LDB1: variants seen among roughly 807,000 people sequenced by gnomAD.
LDB1 encodes LIM domain-binding protein 1.
Under a neutral mutation model 49.7 loss-of-function variants are expected in LDB1, and 6 were observed. The ratio of observed to expected loss-of-function variants is 0.12; its 90% CI spans 0.07 to 0.24. LDB1 has a LOEUF of 0.24. LDB1 is among the 10% of genes least tolerant of loss of function. The pLI is 1.00. For missense variants in LDB1, 341 were observed against 561.7 expected (o/e 0.61, Z 3.97); for synonymous variants, 233 against 202.0 (o/e 1.15, Z -1.30).
At chr10:102,105,813 A>T (rs1590276328), downstream of LDB1, among the ~76,000 whole-genome samples, 1 of 151,608 alleles carries the variant, frequency 6.6e-6, no homozygotes, top group East Asian at 1.9e-4. Context: ...AAAAAAAAAA[A>T]AAAAAATACA....
chr10:102,102,813 T>C (rs1262698205), downstream of LDB1, among the ~76,000 whole-genome samples: 2 of 152,174 alleles, frequency 1.3e-5, no homozygotes, highest in African/African-American at 4.8e-5. Flanking sequence ...GACCAAGGTC[T>C]TGCTATGTTG....
At chr10:102,114,938 C>T (rs2068315430) in intron 1 of LDB1, 2 of 611,064 alleles carry the variant, frequency 3.3e-6, no homozygotes, top group Admixed American at 6.3e-5. Flanking sequence ...GGCTGCCTGC[C>T]TTTCTCCCTT....
chr10:102,116,223 T>C (rs1054188106), intron 1 of LDB1, among the ~76,000 whole-genome samples: 1 of 152,206 alleles, frequency 6.6e-6, no homozygotes, highest in African/African-American at 2.4e-5. Context: ...GCTCTGTTGC[T>C]TAGGCTGGAG....
chr10:102,103,815 TAAAAA>T (rs1357537847), downstream of LDB1, among the ~76,000 whole-genome samples: 17 of 150,098 alleles, frequency 1.1e-4, no homozygotes, highest in African/African-American at 4.2e-4. Context: ...TTCCATCTCT[TAAAAA>T]AGAAAAAGTA....
In LDB1 at chr10:102,109,951, C is replaced by A; in HGVS notation, c.618G>T (p.Glu206Asp). 1.2e-6 allele frequency: 2 copies of A among 1,611,090 alleles called. No homozygotes were observed. The highest frequency in any genetic ancestry group is 1.7e-6 in the Non-Finnish European group (2 of 1,179,878). Residue 206 changes from glutamate to aspartate, a missense_variant, in exon 7 of 11, where the codon GAG becomes GAT. By Grantham distance (45) the Glu-to-Asp change is conservative. Around this residue, in one of 5 missense-constraint regions of LDB1, gnomAD observed 233 missense variants for 385.7 expected, o/e 0.60. Transcript: ENST00000673968. The surrounding 1 kb of genome is among the most constrained non-coding windows in gnomAD (Gnocchi z 5.8). ...TWHFSIRQHR[E>D]LIPRSILAMH... Reference sequence around the variant, plus strand: ...TGGCAAGGATGCTGCGGGGGATGAGCTCTCGGTGCTGCCGGATGCTGAAGT... The same window carrying A: ...TGGCAAGGATGCTGCGGGGGATGAGATCTCGGTGCTGCCGGATGCTGAAGT...
intron 1 of LDB1, among the ~76,000 whole-genome samples, chr10:102,112,616 G>C (rs2133515993): frequency 7.2e-6 from 1 of 138,424 alleles, no homozygotes; most frequent in Non-Finnish European, 1.6e-5. Flanking sequence ...GCCCCCAAGG[G>C]TAGACAGTAT....
At chr10:102,114,498 T>A (rs1314785625) in intron 1 of LDB1, 1 of 986,160 alleles carries the variant, frequency 1.0e-6, no homozygotes, top group Admixed American at 6.1e-5. Context: ...GGGGGACAAC[T>A]TCAGCAGCTC....
chr10:102,121,302 C>T (rs906220767), upstream of LDB1, among the ~76,000 whole-genome samples: 5 of 152,266 alleles, frequency 3.3e-5, no homozygotes, highest in Middle Eastern at 3.4e-3. Flanking sequence ...CGCCCAACCC[C>T]ACCGCCTCCG....
rs1448358223 is a variant in LDB1, at chr10:102,117,494, G to A, written c.25+2592C>T. 6.6e-6 allele frequency among the ~76,000 whole-genome samples: 1 copy of A among 152,102 alleles called. No individual in the cohort carries two copies. Among genetic ancestry groups the A allele is most frequent in the African/African-American group, 2.4e-5 (1 of 41,372 alleles). On this transcript the variant is annotated intron_variant, in intron 1 of 10. Coordinates refer to ENST00000673968, the MANE Select transcript of LDB1 (RefSeq NM_001113407.3). The surrounding 1 kb of genome is among the most constrained non-coding windows in gnomAD (Gnocchi z 4.2). ...CCTGGAGGTGGGGACTCAAAGGACA[G>A]CAGCCAGCCCCAGCCCACAGGATGA...
In LDB1 at chr10:102,109,782, A is replaced by T; in HGVS notation, c.649-99T>A. On this transcript the variant is annotated intron_variant, in intron 7 of 10. Transcript: ENST00000673968. This position sits in a 1 kb window ranked among gnomAD's most constrained non-coding sequence, Gnocchi z 5.8. Reference sequence around the variant, plus strand: ...CATTGTGACACTCCTGAGAGAGGATAGTCTCTTATTAAACCTGCTGTTCAG... The same window carrying T: ...CATTGTGACACTCCTGAGAGAGGATTGTCTCTTATTAAACCTGCTGTTCAG... The T allele has an allele frequency of 6.5e-7, 1 of 1,533,108 alleles. No homozygotes were observed. Among genetic ancestry groups the T allele is most frequent in the Non-Finnish European group, 9.0e-7 (1 of 1,109,948 alleles). The allele number at this position is 1,533,108 out of a possible 1,614,324, so 95.0% of individuals were successfully genotyped here. A position where few individuals can be genotyped will look rare whatever the true frequency, so the allele number is the denominator to read the frequency against.
In LDB1 at chr10:102,111,141, C is replaced by T. The variant is rs1372242375; in HGVS notation, c.177G>A (p.Arg59=). The T allele has an allele frequency of 2.5e-6, 4 of 1,614,052 alleles. No individual in the cohort carries two copies. In the South Asian group the frequency reaches 3.3e-5, roughly 13 times the overall value. Residue 59 remains arginine (R), a synonymous_variant, in exon 4 of 11, where the codon AGG becomes AGA. Transcript: ENST00000673968. ...PPTYLEPGIG[R]HTPYGNQTDY... ...CAGTTTGGTTGCCATATGGTGTGTG[C>T]CTCCTGGAGGAAGTGAAGGAGAGAG...
At position 102,117,075 on chromosome 10, in the gene LDB1, A is replaced by T. The variant is rs567964391; in HGVS notation, c.25+3011T>A. Among the ~76,000 whole-genome samples the T allele has an allele frequency of 1.4e-4, 22 of 152,188 alleles. No homozygotes were observed. The highest frequency in any genetic ancestry group is 3.9e-4 in the Admixed American group (6 of 15,296). On this transcript the variant is annotated intron_variant, in intron 1 of 10. Transcript: ENST00000673968. This position sits in a 1 kb window ranked among gnomAD's most constrained non-coding sequence, Gnocchi z 4.2. ...CAGATACAAGCCAAGCCCTGCAGCC[A>T]TTCCTACTCCCTTCCCCCTCCAGGC...
intron 1 of LDB1, among the ~76,000 whole-genome samples, chr10:102,112,076 C>A (rs1294148321): frequency 2.0e-5 from 3 of 152,144 alleles, no homozygotes; most frequent in African/African-American, 7.2e-5. Flanking sequence ...AGCGCATACC[C>A]AAGATCCCAT....
intron 6 of LDB1, 156 bp downstream of exon 6, chr10:102,110,373 C>T: frequency 1.3e-6 from 1 of 741,968 alleles, no homozygotes; most frequent in Non-Finnish European, 2.2e-6. Context: ...AAACACAATA[C>T]ATGTTTGCTG....
chr10:102,121,082 G>A (rs1335502129), upstream of LDB1, among the ~76,000 whole-genome samples: 1 of 152,164 alleles, frequency 6.6e-6, no homozygotes, highest in Non-Finnish European at 1.5e-5. Flanking sequence ...AACTAAAAGG[G>A]TTAATTAAGT....
intron 1 of LDB1, among the ~76,000 whole-genome samples, chr10:102,112,324 G>T (rs904749173): frequency 1.3e-5 from 2 of 152,182 alleles, no homozygotes. Flanking sequence ...CATAAAGCTA[G>T]TAACTGTCAA....
chr10:102,110,604 G>A lies in LDB1; in HGVS notation c.450C>T (p.Phe150=), dbSNP rs1357297095. Reference sequence around the variant, plus strand: ...AGTCGAGGGACACAAAGTTGCTGTGGAATGCCTCCTTGGGGTGCTTAAGAA... The same window carrying A: ...AGTCGAGGGACACAAAGTTGCTGTGAAATGCCTCCTTGGGGTGCTTAAGAA... ...YYVLKHPKEA[F]HSNFVSLDCD... Residue 150 remains phenylalanine (F), a synonymous_variant, in exon 6 of 11, where the codon TTC becomes TTT. Coordinates refer to ENST00000673968, the MANE Select transcript of LDB1 (RefSeq NM_001113407.3). 6.2e-7 allele frequency: 1 copy of A among 1,614,052 alleles called. No homozygotes were observed. Among genetic ancestry groups the A allele is most frequent in the Non-Finnish European group, 8.5e-7 (1 of 1,179,966 alleles).
chr10:102,116,971 C>T (rs1452723031), intron 1 of LDB1, among the ~76,000 whole-genome samples: 1 of 151,320 alleles, frequency 6.6e-6, no homozygotes, highest in African/African-American at 2.4e-5. Flanking sequence ...ACAGTGAGAT[C>T]CTAACAGAAC....
In LDB1 at chr10:102,109,216, C is replaced by T. The variant is rs1482739390; in HGVS notation, c.857-39G>A. 2 of 1,611,936 alleles carry T rather than the reference C, an allele frequency of 1.2e-6. No homozygotes were observed. Among genetic ancestry groups the T allele is most frequent in the Non-Finnish European group, 1.7e-6 (2 of 1,179,720 alleles). On this transcript the variant is annotated intron_variant, in intron 9 of 10. Coordinates refer to ENST00000673968, the MANE Select transcript of LDB1 (RefSeq NM_001113407.3). The surrounding 1 kb of genome is among the most constrained non-coding windows in gnomAD (Gnocchi z 5.8). ...CGGAGACTCAGATGGGAGAGGGCCCCAGGTCCCCTATTCTCCATTGTGGCT... is the reference window on the plus strand; with the variant it reads ...CGGAGACTCAGATGGGAGAGGGCCCTAGGTCCCCTATTCTCCATTGTGGCT...
Sources: allele counts gnomAD v4.1 joint callset (sites outside exome capture counted in the v4.1 genomes callset), GRCh38; gene constraint gnomAD v4.1.1; regional missense constraint gnomAD v4.1.1; non-coding constraint Gnocchi (gnomAD v3.1); transcripts MANE v1.5; gene names NCBI Gene and HGNC (gene_info 2026-07-23, HGNC 2026-07-21).